The following PPP1R9A variants were observed in gnomAD, a reference collection of about 807,000 sequenced individuals.
PPP1R9A encodes the protein neurabin-1.
PPP1R9A carries 59 observed loss-of-function variants against 141.9 expected under a neutral mutation model. The observed-to-expected ratio is 0.42, with a 90% CI of 0.34 to 0.52. The LOEUF (loss-of-function observed/expected upper bound fraction) is 0.52. Among genes scored for constraint, PPP1R9A ranks in the 20% least tolerant of loss-of-function variants. The probability of loss-of-function intolerance (pLI) is 0.10; values close to 1 mark genes in which losing one functional copy is unlikely to be tolerated. For missense variants in PPP1R9A, 1,444 were observed against 1,611.9 expected (o/e 0.90, Z 1.78); for synonymous variants, 500 against 569.7 (o/e 0.88, Z 1.74).
intron 5 of PPP1R9A, among the ~76,000 whole-genome samples, chr7:95,164,798 C>A (rs1298320016): frequency 1.5e-5 from 1 of 65,750 alleles, no homozygotes; most frequent in Non-Finnish European, 3.0e-5. Context: ...ATGCTTTATT[C>A]TCTATTTTCT....
intron 5 of PPP1R9A, among the ~76,000 whole-genome samples, chr7:95,190,527 G>A (rs933432577): frequency 6.6e-6 from 1 of 152,184 alleles, no homozygotes; most frequent in Non-Finnish European, 1.5e-5. Flanking sequence ...AAGTTGTCAC[G>A]TGGACACACT....
At chr7:95,021,329 T>TC (rs1805927077) in intron 2 of PPP1R9A, among the ~76,000 whole-genome samples, 1 of 151,666 alleles carries the variant, frequency 6.6e-6, no homozygotes. Flanking sequence ...TTTTTTTTTT[T>TC]CTTGTAAATT....
Position 95,288,734 on chromosome 7 carries a change from T to G in PPP1R9A, c.3912+16T>G. 1 of 1,611,724 alleles carries G rather than the reference T, an allele frequency of 6.2e-7. No individual in the cohort carries two copies. Among genetic ancestry groups the G allele is most frequent in the East Asian group, 2.2e-5 (1 of 44,848 alleles). ...TAAACTTAAGGTAAAGAATTATATG[T>G]CTGTCTTAGGTTACCAGGTATAATT... On this transcript the variant is annotated intron_variant, in intron 19 of 19. Coordinates refer to ENST00000433360, the MANE Select transcript of PPP1R9A (RefSeq NM_001166160.2).
At chr7:95,086,909 C>T (rs968910339) in intron 2 of PPP1R9A, among the ~76,000 whole-genome samples, 10 of 151,844 alleles carry the variant, frequency 6.6e-5, no homozygotes, top group African/African-American at 1.5e-4. Flanking sequence ...AGGTCGGGAG[C>T]AAGTGGCTCA....
chr7:95,284,943 A>C (rs1337527293), intron 17 of PPP1R9A, among the ~76,000 whole-genome samples: 1 of 152,216 alleles, frequency 6.6e-6, no homozygotes, highest in Non-Finnish European at 1.5e-5. Flanking sequence ...TCTCAAACAG[A>C]AACGTGATTA....
At chr7:95,242,693 G>A (rs1797621291) in intron 8 of PPP1R9A, among the ~76,000 whole-genome samples, 1 of 152,084 alleles carries the variant, frequency 6.6e-6, no homozygotes, top group Non-Finnish European at 1.5e-5. Flanking sequence ...GAAATCCTGA[G>A]GTGCATATCT....
intron 8 of PPP1R9A, among the ~76,000 whole-genome samples, chr7:95,238,281 T>C (rs1227489613): frequency 6.6e-6 from 1 of 152,156 alleles, no homozygotes; most frequent in African/African-American, 2.4e-5. Flanking sequence ...TAATTCACTA[T>C]TATCTCTGGT....
At chr7:94,987,279 C>T (rs1179242502) in intron 2 of PPP1R9A, among the ~76,000 whole-genome samples, 1 of 152,088 alleles carries the variant, frequency 6.6e-6, no homozygotes. Context: ...AGCAGATAAG[C>T]AGCGTCTCAA....
intron 2 of PPP1R9A, among the ~76,000 whole-genome samples, chr7:95,014,810 T>C (rs1804871968): frequency 6.6e-6 from 1 of 152,074 alleles, no homozygotes; most frequent in Non-Finnish European, 1.5e-5. Flanking sequence ...AAGTTTCCTT[T>C]CTCATTTGCT....
intron 2 of PPP1R9A, among the ~76,000 whole-genome samples, chr7:94,989,879 G>A (rs1584145579): frequency 6.6e-6 from 1 of 151,884 alleles, no homozygotes; most frequent in Non-Finnish European, 1.5e-5. Flanking sequence ...GCCTATAAAG[G>A]AATTAAATAT....
At chr7:95,179,928 A>G (rs972610698) in intron 5 of PPP1R9A, among the ~76,000 whole-genome samples, 1 of 152,208 alleles carries the variant, frequency 6.6e-6, no homozygotes, top group Admixed American at 6.5e-5. Flanking sequence ...TAGAATCAAT[A>G]TTGTGAAAAT....
At chr7:95,046,153 C>T (rs1430725300) in intron 2 of PPP1R9A, among the ~76,000 whole-genome samples, 1 of 151,470 alleles carries the variant, frequency 6.6e-6, no homozygotes, top group Non-Finnish European at 1.5e-5. Flanking sequence ...ATCTCGGTTC[C>T]CTGCAACCTC....
intron 4 of PPP1R9A, among the ~76,000 whole-genome samples, chr7:95,147,380 T>C (rs1290820751): frequency 6.6e-6 from 1 of 152,202 alleles, no homozygotes. Flanking sequence ...GCTTACCAGC[T>C]TAAGGAGTTT....
intron 9 of PPP1R9A, among the ~76,000 whole-genome samples, chr7:95,249,518 G>A (rs1315685284): frequency 6.6e-6 from 1 of 152,006 alleles, no homozygotes; most frequent in East Asian, 1.9e-4. Context: ...AGGTTTAATG[G>A]CCAATAATGA....
intron 2 of PPP1R9A, among the ~76,000 whole-genome samples, chr7:95,012,102 A>G (rs533041812): frequency 3.6e-4 from 55 of 152,300 alleles, no homozygotes; most frequent in African/African-American, 1.3e-3. Flanking sequence ...GGCCCCTGGT[A>G]TTAGTCAGTT....
At chr7:95,013,631 C>A (rs1049096682) in intron 2 of PPP1R9A, among the ~76,000 whole-genome samples, 3 of 152,030 alleles carry the variant, frequency 2.0e-5, no homozygotes, top group Admixed American at 6.6e-5. Flanking sequence ...ATTTTGATCC[C>A]CAGTTTAGTA....
chr7:95,207,521 A>G (rs574601780), intron 7 of PPP1R9A, among the ~76,000 whole-genome samples: 22 of 152,294 alleles, frequency 1.4e-4, no homozygotes, highest in South Asian at 6.2e-4. Context: ...TTAGCAAACC[A>G]TATGAAGCAA....
At chr7:94,947,360 G>T (rs1486300462) in intron 2 of PPP1R9A, among the ~76,000 whole-genome samples, 5 of 152,108 alleles carry the variant, frequency 3.3e-5, no homozygotes, top group Non-Finnish European at 7.4e-5. Flanking sequence ...CTCATCCCTA[G>T]CTTCTGTTGA....
intron 2 of PPP1R9A, among the ~76,000 whole-genome samples, chr7:94,999,202 A>T (rs985359662): frequency 6.6e-6 from 1 of 152,210 alleles, no homozygotes; most frequent in African/African-American, 2.4e-5. Flanking sequence ...GGGAAGTTTC[A>T]TATTGAAGGA....
Sources: gnomAD v4.1 joint callset for allele counts (sites outside exome capture counted in the v4.1 genomes callset) on GRCh38, gnomAD v4.1.1 for gene constraint, MANE v1.5 for transcripts, NCBI Gene and HGNC (gene_info 2026-07-23, HGNC 2026-07-21) for gene names.